The following DNAAF5 variants were observed in gnomAD, a reference collection of about 807,000 sequenced individuals.
DNAAF5 encodes the protein HEAT repeat containing 2.
Under a neutral mutation model 75.8 loss-of-function variants are expected in DNAAF5, and 64 were observed. The observed-to-expected ratio is 0.84, with a 90% CI of 0.69 to 1.04. The LOEUF (loss-of-function observed/expected upper bound fraction) is 1.04. Among genes scored for constraint, DNAAF5 ranks in the 50% least tolerant of loss-of-function variants. The probability of loss-of-function intolerance (pLI) is 0.00; values close to 1 mark genes in which losing one functional copy is unlikely to be tolerated. For missense variants in DNAAF5, 1,269 were observed against 1,178.5 expected (o/e 1.08, Z -1.12); for synonymous variants, 657 against 557.2 (o/e 1.18, Z -2.52).
intron 10 of DNAAF5, among the ~76,000 whole-genome samples, chr7:774,448 G>C (rs1174427713): frequency 6.6e-6 from 1 of 152,208 alleles, no homozygotes; most frequent in African/African-American, 2.4e-5. Context: ...CGTGCTGCGG[G>C]TTTTGCAGCC....
chr7:785,368 T>C lies in DNAAF5; in HGVS notation c.2432-149T>C, dbSNP rs4509203. On this transcript the variant is annotated intron_variant, in intron 12 of 12. Coordinates refer to ENST00000297440, the MANE Select transcript of DNAAF5 (RefSeq NM_017802.4). ...AGTCGGATCACTCGTATCCGCATTG[T>C]GACTACTGTATGTCCACCCAGCAGC... 9,524 of 827,608 alleles carry C rather than the reference T, an allele frequency of 0.012. 648 individuals carry two copies. The African/African-American group carries it at 0.14, about 12-fold the overall frequency. 51.3% of individuals were successfully genotyped at this position (827,608 alleles called of 1,614,324 possible). A position where few individuals can be genotyped will look rare whatever the true frequency, so the allele number is the denominator to read the frequency against.
intron 4 of DNAAF5, among the ~76,000 whole-genome samples, chr7:744,367 C>T (rs1272579375): frequency 2.6e-5 from 4 of 152,118 alleles, no homozygotes; most frequent in African/African-American, 9.7e-5. Flanking sequence ...GGTTCCAAGT[C>T]TTTGCTATTG....
intron 2 of DNAAF5, among the ~76,000 whole-genome samples, chr7:730,158 G>A (rs1013951580): frequency 1.3e-5 from 2 of 152,178 alleles, no homozygotes; most frequent in African/African-American, 2.4e-5. Context: ...CCATCAAGAC[G>A]CACTTTCCCG....
chr7:757,813 A>G (rs1782535319), intron 6 of DNAAF5, among the ~76,000 whole-genome samples: 1 of 152,218 alleles, frequency 6.6e-6, no homozygotes, highest in African/African-American at 2.4e-5. Context: ...GGCGGGCCTC[A>G]GCTCACCCCT....
At chr7:732,480 A>G (rs1781617619) in intron 2 of DNAAF5, 5 of 451,788 alleles carry the variant, frequency 1.1e-5, no homozygotes, top group South Asian at 7.8e-5. Context: ...TTCCTGCTCG[A>G]TGTGTGCTGC....
intron 11 of DNAAF5, among the ~76,000 whole-genome samples, chr7:775,863 C>G (rs1778744797): frequency 6.6e-6 from 1 of 150,406 alleles, no homozygotes; most frequent in Non-Finnish European, 1.5e-5. Flanking sequence ...AATCTAGAGA[C>G]AGTTTAAGGT....
intron 4 of DNAAF5, among the ~76,000 whole-genome samples, chr7:750,575 A>G (rs560325836): frequency 1.3e-5 from 2 of 152,224 alleles, no homozygotes; most frequent in East Asian, 3.9e-4. Flanking sequence ...AGTTCACAGG[A>G]GGGTTTGCCC....
intron 8 of DNAAF5, among the ~76,000 whole-genome samples, chr7:766,385 T>G (rs1404904590): frequency 2.0e-5 from 3 of 152,222 alleles, no homozygotes; most frequent in African/African-American, 7.2e-5. Flanking sequence ...AGGAGAAATT[T>G]TTAAATTTCT....
At chr7:749,362 C>T (rs775426187) in intron 4 of DNAAF5, among the ~76,000 whole-genome samples, 1 of 152,192 alleles carries the variant, frequency 6.6e-6, no homozygotes, top group African/African-American at 2.4e-5. Context: ...CGTCTCGATG[C>T]TGGTGAGTGG....
chr7:784,345 C>A (rs1028589568), intron 12 of DNAAF5, among the ~76,000 whole-genome samples: 1 of 152,214 alleles, frequency 6.6e-6, no homozygotes, highest in Admixed American at 6.5e-5. Context: ...GAACCCTGGG[C>A]CGCTACCCCC....
chr7:775,046 C>T lies in DNAAF5; in HGVS notation c.2123C>T (p.Thr708Ile), dbSNP rs764289908. 2 of 1,613,846 alleles carry T rather than the reference C, an allele frequency of 1.2e-6. No homozygotes were observed. Among genetic ancestry groups the T allele is most frequent in the African/African-American group, 2.7e-5 (2 of 74,912 alleles). ...GAAACACTGATGCCCCAGGTCCTGACCACCCTGGAGGAGGATTCGAAGATG... is the reference window on the plus strand; with the variant it reads ...GAAACACTGATGCCCCAGGTCCTGATCACCCTGGAGGAGGATTCGAAGATG... Reference protein sequence around the residue: ...VQETLMPQVLTTLEEDSKMTR... With the variant: ...VQETLMPQVLITLEEDSKMTR... Residue 708 changes from threonine to isoleucine, a missense_variant, in exon 11 of 13, where the codon ACC becomes ATC. By Grantham distance (89) the Thr-to-Ile change is moderately conservative. Transcript: ENST00000297440.
chr7:775,051 C>T lies in DNAAF5; in HGVS notation c.2128C>T (p.Leu710=). Residue 710 remains leucine (L), a synonymous_variant, in exon 11 of 13, where the codon CTG becomes TTG. Transcript: ENST00000297440. ...ETLMPQVLTT[L]EEDSKMTRLI... ...ACTGATGCCCCAGGTCCTGACCACC[C>T]TGGAGGAGGATTCGAAGATGACGCG... The T allele has an allele frequency of 1.9e-6, 3 of 1,614,012 alleles. No individual in the cohort carries two copies. The highest frequency in any genetic ancestry group is 1.7e-6 in the Non-Finnish European group (2 of 1,179,976).
chr7:770,348 G>A (rs1778512227), intron 8 of DNAAF5, 123 bp from the exon 9 acceptor site: 2 of 753,200 alleles, frequency 2.7e-6, no homozygotes, highest in South Asian at 2.0e-5. Context: ...AAGAGGAAGC[G>A]GGGAGGTGGT....
chr7:771,290 T>C (rs1405135141), intron 9 of DNAAF5: 2 of 152,298 alleles, frequency 1.3e-5, no homozygotes, highest in Non-Finnish European at 2.9e-5. Context: ...CTAGGAGCAC[T>C]GGGAGGGACA....
intron 2 of DNAAF5, among the ~76,000 whole-genome samples, chr7:739,452 C>T (rs191698568): frequency 1.2e-4 from 18 of 152,266 alleles, no homozygotes; most frequent in Non-Finnish European, 2.2e-4. Context: ...GTGGAATGGC[C>T]GTGGAGCTGA....
At chr7:739,567 CCCT>C (rs1156603749) in intron 2 of DNAAF5, among the ~76,000 whole-genome samples, 1 of 152,222 alleles carries the variant, frequency 6.6e-6, no homozygotes, top group East Asian at 1.9e-4. Context: ...TTCCTGTGTC[CCCT>C]CGCGTGCTTC....
intron 8 of DNAAF5, among the ~76,000 whole-genome samples, chr7:767,941 GC>G (rs1227745553): frequency 6.8e-6 from 1 of 147,898 alleles, no homozygotes; most frequent in East Asian, 2.1e-4. Flanking sequence ...CGGACACGTG[GC>G]TCCGGGCAGA....
Position 786,347 on chromosome 7 carries a change from T to C in DNAAF5, c.*694T>C, listed in dbSNP as rs924171774. The C allele has an allele frequency of 4.6e-5, 7 of 152,306 alleles. No homozygotes were observed. The highest frequency in any genetic ancestry group is 1.7e-4 in the African/African-American group (7 of 41,584). 9.4% of individuals were successfully genotyped at this position (152,306 alleles called of 1,614,324 possible). A position where few individuals can be genotyped will look rare whatever the true frequency, so the allele number is the denominator to read the frequency against. On this transcript the variant is annotated 3_prime_UTR_variant, in exon 13 of 13. Transcript: ENST00000297440. ...TCTACACCCAAGTGCCTAAAAGATC[T>C]CATTGTAAGTGGGTAGTGTTACCGG...
rs1778714650 is a variant in DNAAF5 at position 775,075 on chromosome 7, C to T, written c.2152C>T (p.Arg718Ter). Residue 718 changes from arginine (R) to a stop codon, truncating the protein, a stop_gained, in exon 11 of 13, where the codon CGA becomes TGA. Transcript: ENST00000297440. LOFTEE classifies it high-confidence loss of function. Reference protein sequence around the residue: ...TTLEEDSKMTRLISCRIINTF... With the variant: ...TTLEEDSKMT ...CCTGGAGGAGGATTCGAAGATGACGCGACTGATCTCATGCCGTATTATCAA... is the reference window on the plus strand; with the variant it reads ...CCTGGAGGAGGATTCGAAGATGACGTGACTGATCTCATGCCGTATTATCAA... The T allele has an allele frequency of 4.3e-6, 7 of 1,613,978 alleles. No individual in the cohort carries two copies. The highest frequency in any genetic ancestry group is 2.2e-5 in the East Asian group (1 of 44,872).
Sources: allele counts gnomAD v4.1 joint callset (sites outside exome capture counted in the v4.1 genomes callset), GRCh38; gene constraint gnomAD v4.1.1; transcripts MANE v1.5; gene names NCBI Gene and HGNC (gene_info 2026-07-23, HGNC 2026-07-21).